CRMP1: variants seen among roughly 807,000 people sequenced by gnomAD.
The protein encoded by CRMP1 is dihydropyrimidinase-related protein 1.
Under a neutral mutation model 68.3 loss-of-function variants are expected in CRMP1, and 19 were observed. The observed-to-expected ratio is 0.28, with a 90% CI of 0.19 to 0.41. The LOEUF is 0.41. Among genes scored for constraint, CRMP1 ranks in the 10% least tolerant of loss-of-function variants. CRMP1 has a pLI of 1.00. For missense variants in CRMP1, 791 were observed against 967.4 expected, an observed-to-expected ratio of 0.82 and a Z score of 2.42; for synonymous variants, 439 against 399.6, an observed-to-expected ratio of 1.10 and a Z score of -1.18.
intron 13 of CRMP1, chr4:5,824,643 G>A: frequency 1.1e-6 from 1 of 936,452 alleles, no homozygotes; most frequent in African/African-American, 2.0e-5. Flanking sequence ...TTTTCAAATG[G>A]CTATTGAATA....
At position 5,856,196 on chromosome 4, in the gene CRMP1, G is replaced by A. The variant is rs189022086; in HGVS notation, c.767C>T (p.Thr256Ile). Residue 256 changes from threonine (T) to isoleucine (I), a missense_variant, in exon 4 of 14, where the codon ACA (threonine) becomes ATA (isoleucine). Thr to Ile is a moderately conservative substitution (Grantham distance 89). This residue lies in a region of CRMP1 where 594 missense variants were observed against 763.6 expected (regional missense o/e 0.78). Coordinates refer to ENST00000324989, the MANE Select transcript of CRMP1 (RefSeq NM_001014809.3). ...CCDYSLHVDI[T>I]SWYDGVREEL... ...CTCCCGAACGCCATCGTACCAGCTT[G>A]TGATGTCCACGTGGAGGGAGTAATC... The A allele has an allele frequency of 2.1e-5, 34 of 1,614,024 alleles. No homozygotes were observed. The Admixed American group carries it at 3.7e-4, about 17-fold the overall frequency.
In CRMP1 at chr4:5,841,529, C is replaced by A; in HGVS notation, c.1033-101G>T. The A allele has an allele frequency of 6.4e-7, 1 of 1,553,342 alleles. No homozygotes were observed. The highest frequency in any genetic ancestry group is 8.8e-7 in the Non-Finnish European group (1 of 1,141,266). ...TGAATGTGATCAGAAGGGAAATCTG[C>A]TCCATTGAATGAGAAGGACATACTG... On this transcript the variant is annotated intron_variant, in intron 7 of 13. Coordinates refer to ENST00000324989, the MANE Select transcript of CRMP1 (RefSeq NM_001014809.3). The surrounding 1 kb of genome is among the most constrained non-coding windows in gnomAD (Gnocchi z 6.9).
intron 13 of CRMP1, among the ~76,000 whole-genome samples, chr4:5,823,259 C>G (rs1378094107): frequency 1.3e-5 from 2 of 152,220 alleles, no homozygotes; most frequent in Non-Finnish European, 2.9e-5. Flanking sequence ...ATGTAAGCCA[C>G]TAAGAATTTG....
At position 5,891,189 on chromosome 4, in the gene CRMP1, C is replaced by CACACAG. The variant is rs1715930882; in HGVS notation, c.381+1399_381+1400insCTGTGT. On this transcript the variant is annotated intron_variant, in intron 1 of 13. Coordinates refer to ENST00000324989, the MANE Select transcript of CRMP1 (RefSeq NM_001014809.3). This position sits in a 1 kb window ranked among gnomAD's most constrained non-coding sequence, Gnocchi z 5.2. ...CCACACACACATACACACACACACA[C>CACACAG]ACACACACACACACACACACACACC... Among the ~76,000 whole-genome samples, 2 of 145,876 alleles carry CACACAG rather than the reference C, an allele frequency of 1.4e-5. No homozygotes were observed. Among genetic ancestry groups the CACACAG allele is most frequent in the Non-Finnish European group, 1.6e-5 (1 of 64,416 alleles).
rs1269403041 is a variant in CRMP1 at position 5,889,156 on chromosome 4, C to G, written c.381+3433G>C. Among the ~76,000 whole-genome samples the G allele has an allele frequency of 1.3e-5, 2 of 152,156 alleles. No individual in the cohort carries two copies. Among genetic ancestry groups the G allele is most frequent in the African/African-American group, 4.8e-5 (2 of 41,446 alleles). ...CCATCCTAGCATTGAACCAGCCCTC[C>G]CTGGGGGCCTCTAAGGTGGAGCCCC... On this transcript the variant is annotated intron_variant, in intron 1 of 13. Transcript: ENST00000324989. This position sits in a 1 kb window ranked among gnomAD's most constrained non-coding sequence, Gnocchi z 4.5.
In CRMP1 at chr4:5,845,050, C is replaced by A. The variant is rs139313082; in HGVS notation, c.964-1889G>T. 4.8e-4 allele frequency among the ~76,000 whole-genome samples: 73 copies of A among 152,276 alleles called. 1 individual carries two copies. The East Asian group carries it at 0.014, about 29-fold the overall frequency. On this transcript the variant is annotated intron_variant, in intron 6 of 13. Transcript: ENST00000324989. ...AGAAAAAGCTAGTGCTATGCCTGGC[C>A]AAAGATGGATCTCACACGCCTCGGA...
Position 5,893,066 on chromosome 4 carries a change from C to A in CRMP1, c.-97G>T, listed in dbSNP as rs1716026217. The A allele has an allele frequency of 1.2e-6, 1 of 851,014 alleles. No individual in the cohort carries two copies. Among genetic ancestry groups the A allele is most frequent in the East Asian group, 1.2e-4 (1 of 8,340 alleles). 52.7% of individuals were successfully genotyped at this position (851,014 alleles called of 1,614,324 possible). A position where few individuals can be genotyped will look rare whatever the true frequency, so the allele number is the denominator to read the frequency against. On this transcript the variant is annotated 5_prime_UTR_variant, in exon 1 of 14. Coordinates refer to ENST00000324989, the MANE Select transcript of CRMP1 (RefSeq NM_001014809.3). ...CGCTCCGCGCCTCGGTGCGGGCCTG[C>A]GGCGGCCCGGGCGCGACTGCGGCCC...
intron 6 of CRMP1, among the ~76,000 whole-genome samples, chr4:5,848,599 C>G (rs990633790): frequency 6.6e-6 from 1 of 152,238 alleles, no homozygotes; most frequent in Non-Finnish European, 1.5e-5. Context: ...CATTATGTGT[C>G]AGATTCTGAA....
rs34519171 is a variant in CRMP1, at chr4:5,841,056, G to T, written c.1153+252C>A. Among the ~76,000 whole-genome samples, 36,022 of 152,056 alleles carry T rather than the reference G, an allele frequency of 0.24. 4,436 individuals carry two copies. Among genetic ancestry groups the T allele is most frequent in the Non-Finnish European group, 0.27 (18,507 of 67,986 alleles). On this transcript the variant is annotated intron_variant, in intron 8 of 13. Coordinates refer to ENST00000324989, the MANE Select transcript of CRMP1 (RefSeq NM_001014809.3). This position sits in a 1 kb window ranked among gnomAD's most constrained non-coding sequence, Gnocchi z 6.9. The stretch of plus-strand genomic sequence containing the variant: ...CATTGATGACATGCTGAATTAATAT[G>T]TGGATCCATTAGATTAAACATAATA...
rs1713560223 is a variant in CRMP1, at chr4:5,861,573, G to A, written c.471-363C>T. Among the ~76,000 whole-genome samples the A allele has an allele frequency of 6.6e-6, 1 of 152,204 alleles. No individual in the cohort carries two copies. The highest frequency in any genetic ancestry group is 2.4e-5 in the African/African-American group (1 of 41,450). ...TGCTGACCGTCATGTCTATTCTGAT[G>A]TAACAGGTGCCTGAAAACTTCCTCC... On this transcript the variant is annotated intron_variant, in intron 2 of 13. Transcript: ENST00000324989. The surrounding 1 kb of genome is among the most constrained non-coding windows in gnomAD (Gnocchi z 6.0).
At chr4:5,847,287 C>T (rs1712293569) in intron 6 of CRMP1, among the ~76,000 whole-genome samples, 1 of 152,150 alleles carries the variant, frequency 6.6e-6, no homozygotes, top group East Asian at 1.9e-4. Flanking sequence ...CTCATCCACA[C>T]CTGGACCTGG....
chr4:5,887,439 T>C, intron 1 of CRMP1: 1 of 985,476 alleles, frequency 1.0e-6, no homozygotes, highest in Non-Finnish European at 1.2e-6. Flanking sequence ...TCCACGCTGA[T>C]GCCAGGCAGG....
chr4:5,867,737 C>A (rs1175239005), intron 1 of CRMP1, among the ~76,000 whole-genome samples: 1 of 152,080 alleles, frequency 6.6e-6, no homozygotes, highest in Non-Finnish European at 1.5e-5. Flanking sequence ...TGGGGACCTG[C>A]CATGGAAGCC....
At chr4:5,836,632 G>T in intron 10 of CRMP1, 133 bp downstream of exon 10, 1 of 1,290,676 alleles carries the variant, frequency 7.7e-7, no homozygotes, top group African/African-American at 1.5e-5. Flanking sequence ...TCCCTCCTGC[G>T]CCCTCCTAGT....
At position 5,892,593 on chromosome 4, in the gene CRMP1, C is replaced by A; in HGVS notation, c.377G>T (p.Gly126Val). 3 of 1,182,418 alleles carry A rather than the reference C, an allele frequency of 2.5e-6. No individual in the cohort carries two copies. In the South Asian group the frequency reaches 1.2e-4, roughly 49 times the overall value. The allele number at this position is 1,182,418 out of a possible 1,614,324, so 73.2% of individuals were successfully genotyped here. Residue 126 changes from glycine to valine, a missense_variant, in exon 1 of 14, where the codon GGC becomes GTC. Transcript: ENST00000324989. The surrounding 1 kb of genome is among the most constrained non-coding windows in gnomAD (Gnocchi z 8.6). Reference protein sequence around the residue: ...PRDLPLGRDNGQSDRLLIKGG... With the variant: ...PRDLPLGRDNVQSDRLLIKGG... ...CCGCGCGCGCCCCGAGGGTACCTGG[C>A]CATTGTCCCGGCCGAGGGGCAGGTC... is the stretch of plus-strand genomic sequence containing the variant.
Position 5,877,270 on chromosome 4 carries a change from G to C in CRMP1, c.382-10514C>G, listed in dbSNP as rs1303089346. ...TTGCTGTAAGGCACAGAGTCTAGAG[G>C]GGGTGTTTGTTAGGCAGCATCATCG... On this transcript the variant is annotated intron_variant, in intron 1 of 13. Coordinates refer to ENST00000324989, the MANE Select transcript of CRMP1 (RefSeq NM_001014809.3). The surrounding 1 kb of genome is among the most constrained non-coding windows in gnomAD (Gnocchi z 4.3). Among the ~76,000 whole-genome samples the C allele has an allele frequency of 6.6e-6, 1 of 152,214 alleles. No homozygotes were observed. The highest frequency in any genetic ancestry group is 1.9e-4 in the East Asian group (1 of 5,202).
chr4:5,857,111 C>T (rs907683718), intron 3 of CRMP1, among the ~76,000 whole-genome samples: 2 of 96,616 alleles, frequency 2.1e-5, no homozygotes, highest in African/African-American at 7.6e-5. Flanking sequence ...ACCACCACCA[C>T]CACAATCATC....
intron 2 of CRMP1, among the ~76,000 whole-genome samples, chr4:5,863,528 A>G (rs1713744182): frequency 6.6e-6 from 1 of 152,118 alleles, no homozygotes; most frequent in South Asian, 2.1e-4. Flanking sequence ...AATCAGAGGG[A>G]CTCAGTGAAT....
chr4:5,837,291 CTT>C (rs1346463826), intron 9 of CRMP1, among the ~76,000 whole-genome samples: 2 of 152,016 alleles, frequency 1.3e-5, no homozygotes, highest in African/African-American at 4.8e-5. Flanking sequence ...AACAAATACT[CTT>C]TGATATATCA....
Sources: allele counts gnomAD v4.1 joint callset (sites outside exome capture counted in the v4.1 genomes callset), GRCh38; gene constraint gnomAD v4.1.1; regional missense constraint gnomAD v4.1.1; non-coding constraint Gnocchi (gnomAD v3.1); transcripts MANE v1.5; gene names NCBI Gene and HGNC (gene_info 2026-07-23, HGNC 2026-07-21).